GPN3: variants seen among roughly 807,000 people sequenced by gnomAD.
GPN3 encodes the protein GPN-loop GTPase 3, also known as ATP-binding domain 1 family member C.
GPN3 carries 31 observed loss-of-function variants against 38.7 expected under a neutral mutation model. The observed-to-expected ratio is 0.80, with a 90% CI of 0.60 to 1.08. The LOEUF (loss-of-function observed/expected upper bound fraction) is 1.08, where lower values mean the gene tolerates loss of function less well. GPN3 is among the 50% of genes least tolerant of loss of function. GPN3 has a pLI of 0.00. For synonymous variants in GPN3, 116 were observed against 120.2 expected, an observed-to-expected ratio of 0.96 and a Z score of 0.23; for missense variants, 301 against 354.4, an observed-to-expected ratio of 0.85 and a Z score of 1.21.
intron 2 of GPN3, among the ~76,000 whole-genome samples, chr12:110,460,431 C>T (rs113413415): frequency 6.6e-5 from 10 of 152,228 alleles, no homozygotes; most frequent in African/African-American, 2.4e-4. Context: ...AAAAAGAAAA[C>T]AGATTACCAT....
At chr12:110,464,592 T>TA (rs2062613608) in intron 2 of GPN3, among the ~76,000 whole-genome samples, 2 of 138,634 alleles carry the variant, frequency 1.4e-5, no homozygotes, top group African/African-American at 5.3e-5. Flanking sequence ...GTCCATTTAC[T>TA]TTTTTTTTTT....
In GPN3 at chr12:110,459,817, G is replaced by C. The variant is rs1203399553; in HGVS notation, c.203C>G (p.Ser68Cys). The change falls in exon 3 of 8, where the codon TCT (serine) becomes TGT (cysteine). Residue 68 changes from serine (S) to cysteine (C), a missense_variant. Transcript: ENST00000228827. The part of the protein sequence containing the change: ...IEVDDVMEDD[S>C]LRFGPNGGLV... Reference sequence around the variant, plus strand: ...TCCTCCGTTGGGACCGAATCGCAGAGAATCATCCTCCATTACATCATCCAC... The same window carrying C: ...TCCTCCGTTGGGACCGAATCGCAGACAATCATCCTCCATTACATCATCCAC... The C allele has an allele frequency of 6.2e-7, 1 of 1,613,950 alleles. No homozygotes were observed. Among genetic ancestry groups the C allele is most frequent in the Non-Finnish European group, 8.5e-7 (1 of 1,179,820 alleles).
chr12:110,457,235 T>C (rs2062556310), intron 4 of GPN3, among the ~76,000 whole-genome samples: 2 of 151,292 alleles, frequency 1.3e-5, no homozygotes, highest in Admixed American at 1.3e-4. Flanking sequence ...CACTTGATGT[T>C]TGAGGTCAGG....
chr12:110,456,072 G>A (rs2062547526), intron 4 of GPN3, 142 bp from the exon 5 acceptor site: 18 of 585,710 alleles, frequency 3.1e-5, no homozygotes, highest in South Asian at 3.1e-4. Context: ...GCTCATGCCT[G>A]TAATCCCAAC....
chr12:110,465,645 G>A (rs1458086221), intron 1 of GPN3, among the ~76,000 whole-genome samples: 1 of 152,160 alleles, frequency 6.6e-6, no homozygotes, highest in Non-Finnish European at 1.5e-5. Context: ...TATATGAGAA[G>A]GAGTTTGCCA....
intron 2 of GPN3, among the ~76,000 whole-genome samples, chr12:110,464,508 A>G (rs929040677): frequency 1.3e-5 from 2 of 152,102 alleles, no homozygotes; most frequent in African/African-American, 4.8e-5. Flanking sequence ...TATAGTGATC[A>G]GCAATATACC....
upstream of GPN3, chr12:110,468,546 C>G (rs1355070318): frequency 1.3e-6 from 2 of 1,537,154 alleles, no homozygotes; most frequent in African/African-American, 2.7e-5. Flanking sequence ...TGCGTGCAGA[C>G]GTTTGACCTG....
chr12:110,467,679 T>C (rs1056051059), intron 1 of GPN3, among the ~76,000 whole-genome samples: 2 of 146,916 alleles, frequency 1.4e-5, no homozygotes, highest in African/African-American at 2.7e-5. Context: ...GTGGGGTCCA[T>C]GTACCACCTA....
intron 6 of GPN3, among the ~76,000 whole-genome samples, chr12:110,454,865 C>T (rs1414882421): frequency 4.6e-5 from 7 of 151,072 alleles, no homozygotes; most frequent in Non-Finnish European, 8.8e-5. Flanking sequence ...GTTGTTGGAC[C>T]GGGCTGGAGT....
chr12:110,463,813 CA>C (rs1373088130), intron 2 of GPN3, among the ~76,000 whole-genome samples: 1 of 150,618 alleles, frequency 6.6e-6, no homozygotes, highest in Non-Finnish European at 1.5e-5. Context: ...AAACGTGTAT[CA>C]AATGTCAATC....
At chr12:110,467,114 G>A (rs1277541267) in intron 1 of GPN3, among the ~76,000 whole-genome samples, 2 of 151,774 alleles carry the variant, frequency 1.3e-5, no homozygotes, top group African/African-American at 4.8e-5. Flanking sequence ...TCAGCTTCCC[G>A]AGAAGCTGGG....
intron 7 of GPN3, among the ~76,000 whole-genome samples, chr12:110,453,370 T>TG (rs1204461181): frequency 3.3e-5 from 5 of 152,192 alleles, no homozygotes; most frequent in Admixed American, 6.6e-5. Flanking sequence ...CCTGTGATAG[T>TG]GCTTTACTTC....
At chr12:110,460,192 C>T (rs917600924) in intron 2 of GPN3, among the ~76,000 whole-genome samples, 20 of 152,108 alleles carry the variant, frequency 1.3e-4, no homozygotes, top group African/African-American at 4.1e-4. Context: ...TAATAAAAGA[C>T]AAAAATTCAC....
At chr12:110,456,691 C>CTT (rs61183219) in intron 4 of GPN3, among the ~76,000 whole-genome samples, 30 of 141,358 alleles carry the variant, frequency 2.1e-4, no homozygotes, top group Middle Eastern at 7.3e-3. Context: ...ACTACTTCCT[C>CTT]TTTTTTTTTT....
chr12:110,457,729 T>C, intron 3 of GPN3, 95 bp from the exon 4 acceptor site: 1 of 870,292 alleles, frequency 1.1e-6, no homozygotes, highest in Non-Finnish European at 1.7e-6. Context: ...TGGACAAAAA[T>C]AAAAGCCAAC....
chr12:110,462,617 T>C lies in GPN3; in HGVS notation c.157+2489A>G, dbSNP rs530875665. Among the ~76,000 whole-genome samples the C allele has an allele frequency of 7.2e-5, 11 of 152,290 alleles. No individual in the cohort carries two copies. The South Asian group carries it at 2.3e-3, about 32-fold the overall frequency. The stretch of plus-strand genomic sequence containing the variant: ...TTTTTTTAATTTTAAAATGGAGTTT[T>C]GCTCTTGTTGCCCAGGCTGGAGTGC... On this transcript the variant is annotated intron_variant, in intron 2 of 7. Transcript: ENST00000228827.
chr12:110,455,834 CT>C lies in GPN3; in HGVS notation c.546del (p.Ala183GlnfsTer9). The C allele has an allele frequency of 6.3e-7, 1 of 1,587,674 alleles. No individual in the cohort carries two copies. Among genetic ancestry groups the C allele is most frequent in the Non-Finnish European group, 8.6e-7 (1 of 1,156,188 alleles). ...IMTKMDLLSKKAKKEIEKFLD... is the reference protein window; with the variant it reads ...IMTKMDLLSKXAKKEIEKFLD... ...ACTCACTTCTCAATTTCCTTTTTTG[CT>C]TTTTTACTCAGCAGATCCATTTTTG... is the stretch of plus-strand genomic sequence containing the variant. On this transcript the variant is annotated frameshift_variant, in exon 5 of 8. Coordinates refer to ENST00000228827, the MANE Select transcript of GPN3 (RefSeq NM_016301.4). LOFTEE classifies it high-confidence loss of function.
chr12:110,467,753 G>A (rs2062644821), intron 1 of GPN3, among the ~76,000 whole-genome samples: 2 of 152,162 alleles, frequency 1.3e-5, no homozygotes, highest in Admixed American at 1.3e-4. Context: ...AGTAATTAAT[G>A]AGACCCCACT....
chr12:110,454,518 A>T (rs1045782550), intron 6 of GPN3, among the ~76,000 whole-genome samples: 20 of 150,010 alleles, frequency 1.3e-4, no homozygotes, highest in Non-Finnish European at 7.4e-5. Context: ...ATGCCCGGCT[A>T]ATTTTGTATT....
Sources: gnomAD v4.1 joint callset for allele counts (sites outside exome capture counted in the v4.1 genomes callset) on GRCh38, gnomAD v4.1.1 for gene constraint, MANE v1.5 for transcripts, NCBI Gene and HGNC (gene_info 2026-07-23, HGNC 2026-07-21) for gene names.